VWF: variants seen among roughly 807,000 people sequenced by gnomAD.
The protein encoded by VWF is von Willebrand factor, also known as Factor VIII related antigen.
A neutral mutation model predicts 308.6 loss-of-function variants in VWF; 176 were observed. The observed-to-expected ratio is 0.57, with a 90% CI of 0.50 to 0.65. VWF has a LOEUF of 0.65. Ranked by LOEUF, VWF falls within the 30% of genes least tolerant of loss-of-function variation. VWF has a pLI of 0.00. For synonymous variants in VWF, 1,385 were observed against 1,443.4 expected (o/e 0.96, Z 0.92); for missense variants, 3,146 against 3,648.2 (o/e 0.86, Z 3.55).
At position 6,058,268 on chromosome 12, in the gene VWF, G is replaced by C. The variant is rs1400007728; in HGVS notation, c.1534-224C>G. On this transcript the variant is annotated intron_variant, in intron 13 of 51. Transcript: ENST00000261405. This position sits in a 1 kb window ranked among gnomAD's most constrained non-coding sequence, Gnocchi z 4.9. ...CCATCCCTGTTCCCAAATCATCAGA[G>C]CCCTGTACTGCCACAAGAGATTTTA... Among the ~76,000 whole-genome samples, 1 of 152,208 alleles carries C rather than the reference G, an allele frequency of 6.6e-6. No homozygotes were observed. Among genetic ancestry groups the C allele is most frequent in the African/African-American group, 2.4e-5 (1 of 41,454 alleles).
In VWF at chr12:6,058,509, G is replaced by A. The variant is rs1287450866; in HGVS notation, c.1534-465C>T. Among the ~76,000 whole-genome samples, 1 of 152,158 alleles carries A rather than the reference G, an allele frequency of 6.6e-6. No individual in the cohort carries two copies. The highest frequency in any genetic ancestry group is 1.5e-5 in the Non-Finnish European group (1 of 68,036). ...GCCCCTCTATATAGAAAGACTTCGCGTTGGTCACTCGGTGTGGGCCCAGCA... is the reference window on the plus strand; with the variant it reads ...GCCCCTCTATATAGAAAGACTTCGCATTGGTCACTCGGTGTGGGCCCAGCA... On this transcript the variant is annotated intron_variant, in intron 13 of 51. Coordinates refer to ENST00000261405, the MANE Select transcript of VWF (RefSeq NM_000552.5). This position sits in a 1 kb window ranked among gnomAD's most constrained non-coding sequence, Gnocchi z 4.9.
At chr12:6,121,026 G>A (rs140115282) in intron 3 of VWF, 148 bp downstream of exon 3, 30 of 1,090,720 alleles carry the variant, frequency 2.8e-5, no homozygotes, top group Middle Eastern at 3.0e-4. Flanking sequence ...GAGGGGCTAC[G>A]TGTCACAGAA....
chr12:6,043,609 TAAG>T (rs1163951188), intron 18 of VWF, among the ~76,000 whole-genome samples: 2 of 152,164 alleles, frequency 1.3e-5, no homozygotes, highest in East Asian at 1.9e-4. Flanking sequence ...GGGAGGGAGA[TAAG>T]GAGGAGTAGG....
chr12:6,117,995 G>A (rs575462221), intron 3 of VWF, among the ~76,000 whole-genome samples: 1 of 152,330 alleles, frequency 6.6e-6, no homozygotes, highest in African/African-American at 2.4e-5. Flanking sequence ...ACCGACCAGT[G>A]AGCACGAGTT....
intron 50 of VWF, 66 bp from the exon 51 acceptor site, chr12:5,949,949 C>T (rs749763779): frequency 1.3e-5 from 19 of 1,454,108 alleles, no homozygotes; most frequent in Non-Finnish European, 1.8e-5. Context: ...TCTTCAGCCC[C>T]AGTGCCCTCA....
chr12:6,095,740 G>A (rs1166441881), intron 5 of VWF, 156 bp from the exon 6 acceptor site: 33 of 992,392 alleles, frequency 3.3e-5, no homozygotes, highest in South Asian at 4.2e-5. Flanking sequence ...GGAGTGCAGC[G>A]GCTATTCACA....
In VWF at chr12:5,969,389, G is replaced by C. The variant is rs145955543; in HGVS notation, c.7551C>G (p.Val2517=). 1.2e-6 allele frequency: 2 copies of C among 1,614,048 alleles called. No individual in the cohort carries two copies. The highest frequency in any genetic ancestry group is 1.3e-5 in the African/African-American group (1 of 74,938). The part of the protein sequence containing the change: ...RGDSQSSWKS[V]GSQWASPENP... ...TCTCCGGGGAGGCCCACTGGGAGCC[G>C]ACCTGCAGGGCACCAGAGTTAGTCC... is the stretch of plus-strand genomic sequence containing the variant. The change falls in exon 45 of 52, where the codon GTC becomes GTG. Residue 2517 remains valine (V), a splice_region_variant and synonymous_variant. Transcript: ENST00000261405.
At chr12:6,000,559 G>T (rs1315086115) in intron 34 of VWF, among the ~76,000 whole-genome samples, 1 of 152,024 alleles carries the variant, frequency 6.6e-6, no homozygotes, top group Non-Finnish European at 1.5e-5. Context: ...TGGAATCCCA[G>T]AACTTTGGGA....
chr12:6,034,555 T>C (rs1591874205), intron 20 of VWF, 133 bp downstream of exon 20: 1 of 1,380,450 alleles, frequency 7.2e-7, no homozygotes, highest in Non-Finnish European at 1.0e-6. Flanking sequence ...TGTGAAGGAC[T>C]GGGAAGTACT....
intron 44 of VWF, 146 bp from the exon 45 acceptor site, chr12:5,969,537 G>A (rs1367248137): frequency 1.1e-5 from 10 of 948,168 alleles, no homozygotes; most frequent in Admixed American, 5.3e-5. Flanking sequence ...TAGGGCCCAC[G>A]GAGGGGATGA....
intron 6 of VWF, among the ~76,000 whole-genome samples, chr12:6,080,338 T>C (rs1347072046): frequency 6.6e-6 from 1 of 152,230 alleles, no homozygotes; most frequent in African/African-American, 2.4e-5. Flanking sequence ...AGCTCTTAAC[T>C]GGCATTCAAT....
chr12:6,057,521 T>TATTA (rs1555198345), intron 14 of VWF, among the ~76,000 whole-genome samples: 1 of 138,360 alleles, frequency 7.2e-6, no homozygotes, highest in African/African-American at 2.7e-5. Flanking sequence ...TTATTATTAT[T>TATTA]ATTATTTTAA....
chr12:5,968,665 G>A (rs1329662418), intron 45 of VWF, among the ~76,000 whole-genome samples: 5 of 152,026 alleles, frequency 3.3e-5, no homozygotes, highest in African/African-American at 4.8e-5. Flanking sequence ...GTGTGGTGGC[G>A]CACGCCTGTA....
At position 6,028,051 on chromosome 12, in the gene VWF, G is replaced by A. The variant is rs150694865; in HGVS notation, c.2967+1291C>T. 7.9e-3 allele frequency among the ~76,000 whole-genome samples: 1,209 copies of A among 152,272 alleles called. 6 individuals are homozygous for A. Among genetic ancestry groups the A allele is most frequent in the Non-Finnish European group, 0.014 (942 of 68,018 alleles). On this transcript the variant is annotated intron_variant, in intron 22 of 51. Transcript: ENST00000261405. ...GAAGTGAGGGCAGTGCTGCCTCACT[G>A]GCTTGTACAAGCTGAAAATGGATGG...
intron 15 of VWF, among the ~76,000 whole-genome samples, 183 bp downstream of exon 15, chr12:6,056,674 C>T (rs922682778): frequency 1.3e-5 from 2 of 152,212 alleles, no homozygotes; most frequent in African/African-American, 4.8e-5. Flanking sequence ...GTCCCCACCG[C>T]CTGTCCTGCT....
At chr12:6,095,951 T>C in intron 5 of VWF, 1 of 353,426 alleles carries the variant, frequency 2.8e-6, no homozygotes. Flanking sequence ...GGAATGCAGG[T>C]GTGGGCCACC....
chr12:6,071,661 CAG>C (rs1304446845), intron 9 of VWF, among the ~76,000 whole-genome samples: 1 of 152,196 alleles, frequency 6.6e-6, no homozygotes, highest in African/African-American at 2.4e-5. Context: ...CAGTGAGTGG[CAG>C]AGAGCAAGAG....
At chr12:6,092,968 A>G (rs1322153867) in intron 6 of VWF, among the ~76,000 whole-genome samples, 1 of 151,814 alleles carries the variant, frequency 6.6e-6, no homozygotes, top group East Asian at 1.9e-4. Flanking sequence ...ATAAGTTTCT[A>G]TTCCACCCCT....
chr12:6,034,845 G>A lies in VWF; in HGVS notation c.2547-19C>T. ...ACAGACACTAGGAGCAGTCATGGCA[G>A]AGATGACAAGTTGGGCACCTTGGGT... On this transcript the variant is annotated intron_variant, in intron 19 of 51. Coordinates refer to ENST00000261405, the MANE Select transcript of VWF (RefSeq NM_000552.5). The A allele has an allele frequency of 6.2e-7, 1 of 1,612,992 alleles. No individual in the cohort carries two copies. The highest frequency in any genetic ancestry group is 8.5e-7 in the Non-Finnish European group (1 of 1,179,008).
Sources: gnomAD v4.1 joint callset for allele counts (sites outside exome capture counted in the v4.1 genomes callset) on GRCh38, gnomAD v4.1.1 for gene constraint, Gnocchi (gnomAD v3.1) non-coding constraint, MANE v1.5 for transcripts, NCBI Gene and HGNC (gene_info 2026-07-23, HGNC 2026-07-21) for gene names.